NEU4: variants seen among roughly 807,000 people sequenced by gnomAD.
NEU4 encodes neuraminidase 4.
Under a neutral mutation model 9.9 loss-of-function variants are expected in NEU4, and 7 were observed. The observed-to-expected ratio is 0.71, with a 90% CI of 0.40 to 1.33. The LOEUF (loss-of-function observed/expected upper bound fraction) is 1.33, where lower values mean the gene tolerates loss of function less well. NEU4 is among the 40% of genes most tolerant of loss of function. NEU4 has a pLI of 0.01. For missense variants in NEU4, 717 were observed against 712.6 expected, an observed-to-expected ratio of 1.01 and a Z score of -0.07; for synonymous variants, 348 against 316.9, an observed-to-expected ratio of 1.10 and a Z score of -1.04.
Position 241,811,085 on chromosome 2 carries a change from G to A in NEU4, c.-4+1811G>A, listed in dbSNP as rs114646258. The A allele has an allele frequency of 1.1e-3, 1,326 of 1,163,734 alleles. 8 individuals are homozygous for A. The African/African-American group carries it at 0.017, about 15-fold the overall frequency. The allele number at this position is 1,163,734 out of a possible 1,614,324, so 72.1% of individuals were successfully genotyped here. On this transcript the variant is annotated intron_variant, in intron 1 of 3. Transcript: ENST00000407683. Reference sequence around the variant, plus strand: ...CTCACGGAGCCCTCCTGGCAGGGCCGCGTCTCTGGAGCAGCAGACCCGTGT... The same window carrying A: ...CTCACGGAGCCCTCCTGGCAGGGCCACGTCTCTGGAGCAGCAGACCCGTGT...
chr2:241,814,530 G>T lies in NEU4; in HGVS notation c.46G>T (p.Glu16Ter), dbSNP rs963463867. 4.3e-6 allele frequency: 7 copies of T among 1,612,600 alleles called. No homozygotes were observed. The Admixed American group carries it at 1.2e-4, about 27-fold the overall frequency. ...TPSRTVLFER[E>*]RTGLTYRVPS... ...TTCACGGACAGTGCTCTTCGAGCGG[G>T]AGAGGACGGGCCTGACCTACCGCGT... is the stretch of plus-strand genomic sequence containing the variant. Residue 16 changes from glutamate (E) to a stop codon, truncating the protein, a stop_gained, in exon 2 of 4, where the codon GAG becomes TAG. Coordinates refer to ENST00000407683, the MANE Select transcript of NEU4 (RefSeq NM_001167600.3). LOFTEE classifies it high-confidence loss of function.
At position 241,815,119 on chromosome 2, in the gene NEU4, C is replaced by T. The variant is rs375117038; in HGVS notation, c.429C>T (p.Thr143=). ...CGTGGGGCAGCGCCCGGGACCTCAC[C>T]GAGGAGGCCATCGGTGGTGCCGTGC... The part of the protein sequence containing the change: ...GLSWGSARDL[T]EEAIGGAVQD... The change falls in exon 3 of 4, where the codon ACC becomes ACT. Residue 143 remains threonine, a synonymous_variant. Coordinates refer to ENST00000407683, the MANE Select transcript of NEU4 (RefSeq NM_001167600.3). 2.2e-4 allele frequency: 339 copies of T among 1,572,348 alleles called. No individual in the cohort carries two copies. The highest frequency in any genetic ancestry group is 3.0e-4 in the East Asian group (13 of 43,784).
In NEU4 at chr2:241,817,199, C is replaced by T. The variant is rs115239050; in HGVS notation, c.*151C>T. 2.3e-3 allele frequency: 1,523 copies of T among 674,064 alleles called. 17 individuals are homozygous for T. The highest frequency in any genetic ancestry group is 0.017 in the African/African-American group (928 of 53,256). The allele number at this position is 674,064 out of a possible 1,614,324, so 41.8% of individuals were successfully genotyped here. On this transcript the variant is annotated 3_prime_UTR_variant, in exon 4 of 4. Coordinates refer to ENST00000407683, the MANE Select transcript of NEU4 (RefSeq NM_001167600.3). ...GCTCCTCAGAGCTCTCAAGCAGGGA[C>T]TGCTCTTTAGGAAGGGGAGCAGCGG... is the stretch of plus-strand genomic sequence containing the variant.
At chr2:241,809,471 C>T in intron 1 of NEU4, 197 bp downstream of exon 1, 4 of 355,964 alleles carry the variant, frequency 1.1e-5, no homozygotes, top group Non-Finnish European at 2.2e-5. Flanking sequence ...GGGCACGTCC[C>T]AGCCTTCCGT....
chr2:241,815,446 T>G, intron 3 of NEU4: 1 of 538,390 alleles, frequency 1.9e-6, no homozygotes, highest in Non-Finnish European at 3.6e-6. Context: ...GGCAAATGGG[T>G]ATTGATCACC....
chr2:241,814,714 G>T, intron 2 of NEU4, 29 bp downstream of exon 2: 1 of 1,529,310 alleles, frequency 6.5e-7, no homozygotes, highest in Non-Finnish European at 8.8e-7. Context: ...GCTCTGTGTG[G>T]GTGTAGTGGC....
chr2:241,814,476 C>A lies in NEU4; in HGVS notation c.-3-6C>A. 1 of 1,610,258 alleles carries A rather than the reference C, an allele frequency of 6.2e-7. No individual in the cohort carries two copies. Among genetic ancestry groups the A allele is most frequent in the Non-Finnish European group, 8.5e-7 (1 of 1,178,132 alleles). ...TGCTGACCTGTGGCCCTGTACTGACCAGCAGAGCATGGGGGTCCCTCGTAC... is the reference window on the plus strand; with the variant it reads ...TGCTGACCTGTGGCCCTGTACTGACAAGCAGAGCATGGGGGTCCCTCGTAC... On this transcript the variant is annotated splice_polypyrimidine_tract_variant and splice_region_variant and intron_variant, in intron 1 of 3. Transcript: ENST00000407683.
At position 241,815,081 on chromosome 2, in the gene NEU4, G is replaced by A. The variant is rs772838642; in HGVS notation, c.391G>A (p.Asp131Asn). 8.2e-6 allele frequency: 13 copies of A among 1,579,832 alleles called. No homozygotes were observed. The African/African-American group carries it at 1.3e-4, about 16-fold the overall frequency. ...AARLCCVASR[D>N]AGLSWGSARD... ...GCGCCTCTGCTGTGTGGCCAGCCGT[G>A]ACGCCGGCCTCTCGTGGGGCAGCGC... Residue 131 changes from aspartate to asparagine, a missense_variant, in exon 3 of 4, where the codon GAC (aspartate) becomes AAC (asparagine). By Grantham distance (23) the Asp-to-Asn change is conservative (BLOSUM62 1). Transcript: ENST00000407683.
intron 1 of NEU4, chr2:241,813,421 T>C (rs1575380092): frequency 9.1e-7 from 1 of 1,098,278 alleles, no homozygotes; most frequent in South Asian, 2.0e-5. Flanking sequence ...GCGTTCCCAC[T>C]GTCTGCAGCT....
In NEU4 at chr2:241,816,887, G is replaced by T. The variant is rs1453032845; in HGVS notation, c.1294G>T (p.Gly432Cys). 1.2e-6 allele frequency: 2 copies of T among 1,612,780 alleles called. No individual in the cohort carries two copies. Among genetic ancestry groups the T allele is most frequent in the Non-Finnish European group, 8.5e-7 (1 of 1,179,916 alleles). Reference protein sequence around the residue: ...LASIGPAPEGGLVFACLYESG... With the variant: ...LASIGPAPEGCLVFACLYESG... ...GTCCATCGGGCCGGCCCCTGAGGGG[G>T]GCCTGGTTTTTGCCTGCCTGTACGA... The change falls in exon 4 of 4, where the codon GGC becomes TGC. Residue 432 changes from glycine (G) to cysteine (C), a missense_variant. Physicochemically the swap from Gly to Cys is radical, Grantham distance 159 (BLOSUM62 -3). Coordinates refer to ENST00000407683, the MANE Select transcript of NEU4 (RefSeq NM_001167600.3).
Position 241,816,430 on chromosome 2 carries a change from CATCG to C in NEU4, c.838_841del (p.Ile280TrpfsTer42). 1 of 1,607,316 alleles carries C rather than the reference CATCG, an allele frequency of 6.2e-7. No individual in the cohort carries two copies. Among genetic ancestry groups the C allele is most frequent in the Non-Finnish European group, 8.5e-7 (1 of 1,178,550 alleles). ...AGACTGCCTGGGGCTGCCAGGGCAGCATCGTGGGCTTCCCAGCCCCCGCCCCCAA... is the reference window on the plus strand; with the variant it reads ...AGACTGCCTGGGGCTGCCAGGGCAGCTGGGCTTCCCAGCCCCCGCCCCCAA... On this transcript the variant is annotated frameshift_variant, in exon 4 of 4. Transcript: ENST00000407683. LOFTEE classifies it low-confidence loss of function (END_TRUNC).
chr2:241,809,949 G>T (rs540158971), intron 1 of NEU4: 1 of 153,060 alleles, frequency 6.5e-6, no homozygotes. Flanking sequence ...TGGAGGTCCC[G>T]TTTCCCTGTA....
rs985921174 is a variant in NEU4 at position 241,813,591 on chromosome 2, T to G, written c.-3-891T>G. 4 of 1,220,154 alleles carry G rather than the reference T, an allele frequency of 3.3e-6. No homozygotes were observed. In the Admixed American group the frequency reaches 9.3e-5, roughly 28 times the overall value. 75.6% of individuals were successfully genotyped at this position (1,220,154 alleles called of 1,614,324 possible). ...ACCCGGGCCCTGCCCTGGTGGGTGT[T>G]GCCTGGGAGCAAACTCCCAGAATGG... On this transcript the variant is annotated intron_variant, in intron 1 of 3. Coordinates refer to ENST00000407683, the MANE Select transcript of NEU4 (RefSeq NM_001167600.3).
chr2:241,814,614 C>T lies in NEU4; in HGVS notation c.130C>T (p.Leu44Phe). 2 of 1,607,800 alleles carry T rather than the reference C, an allele frequency of 1.2e-6. No homozygotes were observed. The highest frequency in any genetic ancestry group is 1.3e-5 in the African/African-American group (1 of 74,980). The change falls in exon 2 of 4, where the codon CTC becomes TTC. Residue 44 changes from leucine (L) to phenylalanine (F), a missense_variant. Coordinates refer to ENST00000407683, the MANE Select transcript of NEU4 (RefSeq NM_001167600.3). ...PTLLAFVEQRLSPDDSHAHRL... is the reference protein window; with the variant it reads ...PTLLAFVEQRFSPDDSHAHRL... Reference sequence around the variant, plus strand: ...CCTGCTGGCCTTTGTGGAGCAGCGGCTCAGCCCTGACGACTCCCACGCCCA... The same window carrying T: ...CCTGCTGGCCTTTGTGGAGCAGCGGTTCAGCCCTGACGACTCCCACGCCCA...
chr2:241,816,144 G>T lies in NEU4; in HGVS notation c.551G>T (p.Arg184Leu). The T allele has an allele frequency of 6.2e-7, 1 of 1,612,366 alleles. No homozygotes were observed. Among genetic ancestry groups the T allele is most frequent in the Non-Finnish European group, 8.5e-7 (1 of 1,179,774 alleles). The change falls in exon 4 of 4, where the codon CGA becomes CTA. Residue 184 changes from arginine to leucine, a missense_variant. Transcript: ENST00000407683. The stretch of plus-strand genomic sequence containing the variant: ...GCCTACACCTACCGCGTGGACCGCC[G>T]AGAGTGTTTTGGCAAGATCTGCCGG... ...VPAYTYRVDR[R>L]ECFGKICRTS...
In NEU4 at chr2:241,815,241, CCT is replaced by C. The variant is rs766577534; in HGVS notation, c.457+95_457+96del. Reference sequence around the variant, plus strand: ...CGGGAAATTGCCATTCTGCCCCACCCCTGTCTCCAGCCACAAGGGAACCAACC... The same window carrying C: ...CGGGAAATTGCCATTCTGCCCCACCCGTCTCCAGCCACAAGGGAACCAACC... On this transcript the variant is annotated intron_variant, in intron 3 of 3. Coordinates refer to ENST00000407683, the MANE Select transcript of NEU4 (RefSeq NM_001167600.3). 2.7e-4 allele frequency: 382 copies of C among 1,403,450 alleles called. 1 individual carries two copies. The highest frequency in any genetic ancestry group is 3.5e-4 in the Non-Finnish European group (371 of 1,063,052). 86.9% of individuals were successfully genotyped at this position (1,403,450 alleles called of 1,614,324 possible).
Position 241,813,265 on chromosome 2 carries a change from A to C in NEU4, c.-3-1217A>C, listed in dbSNP as rs558670471. On this transcript the variant is annotated intron_variant, in intron 1 of 3. Transcript: ENST00000407683. ...GTGTGCATGGGTCCCCGTCGTAGGC[A>C]GGCGTTCTGCCCTGGCCAGGCGTGG... The C allele has an allele frequency of 1.5e-4, 141 of 970,262 alleles. No individual in the cohort carries two copies. In the African/African-American group the frequency reaches 2.2e-3, roughly 15 times the overall value. The allele number at this position is 970,262 out of a possible 1,614,324, so 60.1% of individuals were successfully genotyped here.
At position 241,817,072 on chromosome 2, in the gene NEU4, C is replaced by T. The variant is rs763707086; in HGVS notation, c.*24C>T. On this transcript the variant is annotated 3_prime_UTR_variant, in exon 4 of 4. Coordinates refer to ENST00000407683, the MANE Select transcript of NEU4 (RefSeq NM_001167600.3). ...GACAGGCCTTCTGGCCGTGCCCATG[C>T]CCCTTGGGTGCCTGGGGCAGAGGGG... The T allele has an allele frequency of 6.5e-7, 1 of 1,540,116 alleles. No individual in the cohort carries two copies.
rs1262070330 is a variant in NEU4, at chr2:241,816,913, G to C, written c.1320G>C (p.Glu440Asp). 6.2e-7 allele frequency: 1 copy of C among 1,612,928 alleles called. No homozygotes were observed. Among genetic ancestry groups the C allele is most frequent in the African/African-American group, 1.3e-5 (1 of 75,054 alleles). The change falls in exon 4 of 4, where the codon GAG becomes GAC. Residue 440 changes from glutamate to aspartate, a missense_variant. Coordinates refer to ENST00000407683, the MANE Select transcript of NEU4 (RefSeq NM_001167600.3). ...EGGLVFACLYESGARTSYDEI... is the reference protein window; with the variant it reads ...EGGLVFACLYDSGARTSYDEI... ...GCCTGGTTTTTGCCTGCCTGTACGAGAGCGGGGCCAGGACCTCCTATGATG... is the reference window on the plus strand; with the variant it reads ...GCCTGGTTTTTGCCTGCCTGTACGACAGCGGGGCCAGGACCTCCTATGATG...
Sources: gnomAD v4.1 joint callset for allele counts on GRCh38, gnomAD v4.1.1 for gene constraint, MANE v1.5 for transcripts, NCBI Gene and HGNC (gene_info 2026-07-23, HGNC 2026-07-21) for gene names.